Variants in GPC5 observed in about 807,000 individuals in gnomAD.
GPC5 encodes the protein glypican 5, also known as glypican-5.
A neutral mutation model predicts 53.9 loss-of-function variants in GPC5; 47 were observed. The observed-to-expected ratio is 0.87, with a 90% CI of 0.69 to 1.11. The LOEUF is 1.11. Ranked by LOEUF, GPC5 falls within the 50% of genes most tolerant of loss-of-function variation. GPC5 has a pLI of 0.00. For synonymous variants in GPC5, 286 were observed against 263.3 expected, an observed-to-expected ratio of 1.09 and a Z score of -0.84; for missense variants, 748 against 713.1, an observed-to-expected ratio of 1.05 and a Z score of -0.56.
chr13:92,401,779 A>G (rs954551073), intron 7 of GPC5, among the ~76,000 whole-genome samples: 1 of 152,146 alleles, frequency 6.6e-6, no homozygotes, highest in African/African-American at 2.4e-5. Context: ...ACCTGAGCAT[A>G]AATTGAGAAG....
In GPC5 at chr13:92,860,999, A is replaced by C. The variant is rs779799070; in HGVS notation, c.1562-5283A>C. ...ATTAATGAGAGAGTCTCTACTCTCA[A>C]GGAAACACAGCAATAGACTATTAGA... On this transcript the variant is annotated intron_variant, in intron 7 of 7. Coordinates refer to ENST00000377067, the MANE Select transcript of GPC5 (RefSeq NM_004466.6). 2.6e-5 allele frequency among the ~76,000 whole-genome samples: 4 copies of C among 152,222 alleles called. 1 individual carries two copies. In the South Asian group the frequency reaches 8.3e-4, roughly 32 times the overall value.
chr13:92,726,268 A>C (rs1243686192), intron 7 of GPC5, among the ~76,000 whole-genome samples: 3 of 151,654 alleles, frequency 2.0e-5, no homozygotes, highest in East Asian at 3.9e-4. Context: ...CTTGATCTAC[A>C]TAATTAGATC....
rs558197729 is a variant in GPC5 at position 92,112,434 on chromosome 13, T to C, written c.1402-32396T>C. On this transcript the variant is annotated intron_variant, in intron 6 of 7. Transcript: ENST00000377067. ...TAAGTGGAAGTAGTCTCTTGATAAC[T>C]AATGGAAAAGATAATTCTTGGAGAA... Among the ~76,000 whole-genome samples the C allele has an allele frequency of 2.1e-3, 322 of 152,254 alleles. 2 individuals carry two copies. The highest frequency in any genetic ancestry group is 7.1e-3 in the African/African-American group (294 of 41,576).
chr13:92,422,709 C>A (rs1876633970), intron 7 of GPC5, among the ~76,000 whole-genome samples: 1 of 152,104 alleles, frequency 6.6e-6, no homozygotes, highest in Non-Finnish European at 1.5e-5. Context: ...AGAAAAGTGA[C>A]AACCTCAGTG....
intron 6 of GPC5, among the ~76,000 whole-genome samples, chr13:91,970,986 G>T (rs1368157650): frequency 6.6e-6 from 1 of 152,212 alleles, no homozygotes; most frequent in Non-Finnish European, 1.5e-5. Context: ...CTCATAAAAT[G>T]AGTTAGGAAG....
At chr13:91,784,359 T>G (rs1437707862) in intron 5 of GPC5, among the ~76,000 whole-genome samples, 1 of 152,196 alleles carries the variant, frequency 6.6e-6, no homozygotes, top group Non-Finnish European at 1.5e-5. Flanking sequence ...ATAATTTCAT[T>G]TCAGGTGATT....
intron 7 of GPC5, among the ~76,000 whole-genome samples, chr13:92,416,028 T>G (rs947631921): frequency 5.9e-5 from 9 of 151,408 alleles, no homozygotes; most frequent in Non-Finnish European, 1.2e-4. Context: ...GGAAAAGGAG[T>G]TTTGATAAGC....
chr13:92,269,973 C>T (rs7989505), intron 7 of GPC5, among the ~76,000 whole-genome samples: 52,454 of 151,972 alleles, frequency 0.35, 9,722 homozygotes, highest in African/African-American at 0.48. Context: ...TTATATCCTC[C>T]GAGTGATTTT....
intron 5 of GPC5, among the ~76,000 whole-genome samples, chr13:91,803,621 C>A (rs1441336970): frequency 1.3e-5 from 2 of 152,042 alleles, no homozygotes; most frequent in Non-Finnish European, 1.5e-5. Context: ...CCAGGCTTGG[C>A]CAATCAGAAT....
At chr13:91,536,826 T>A (rs1048126500) in intron 2 of GPC5, among the ~76,000 whole-genome samples, 1 of 152,188 alleles carries the variant, frequency 6.6e-6, no homozygotes, top group Non-Finnish European at 1.5e-5. Context: ...ACAGAAGACT[T>A]AGCAAACTAA....
At position 92,287,988 on chromosome 13, in the gene GPC5, A is replaced by G. The variant is rs552499582; in HGVS notation, c.1561+142999A>G. 2.6e-5 allele frequency among the ~76,000 whole-genome samples: 4 copies of G among 152,102 alleles called. No homozygotes were observed. The East Asian group carries it at 5.8e-4, about 22-fold the overall frequency. ...TCACACTGGACAATTCCAGTTGTCC[A>G]GTCTATCTTCAATAGCAGATTCTTC... On this transcript the variant is annotated intron_variant, in intron 7 of 7. Transcript: ENST00000377067.
chr13:91,948,642 G>A (rs2039998203), intron 6 of GPC5, among the ~76,000 whole-genome samples: 1 of 152,086 alleles, frequency 6.6e-6, no homozygotes, highest in South Asian at 2.1e-4. Flanking sequence ...TATGTGTTGA[G>A]GACAAAACAA....
At chr13:92,672,344 T>C (rs1886781805) in intron 7 of GPC5, among the ~76,000 whole-genome samples, 1 of 152,190 alleles carries the variant, frequency 6.6e-6, no homozygotes, top group Non-Finnish European at 1.5e-5. Context: ...TACCATCTTA[T>C]ACCAGCCAGA....
At chr13:92,414,573 G>A (rs564811018) in intron 7 of GPC5, among the ~76,000 whole-genome samples, 87 of 152,110 alleles carry the variant, frequency 5.7e-4, no homozygotes, top group African/African-American at 2.0e-3. Context: ...TATATAACAG[G>A]GAATTGATCT....
intron 7 of GPC5, among the ~76,000 whole-genome samples, chr13:92,229,790 T>C (rs966821614): frequency 2.0e-5 from 3 of 152,090 alleles, no homozygotes; most frequent in Non-Finnish European, 4.4e-5. Flanking sequence ...GCATAAATAG[T>C]AGAGATATTT....
In GPC5 at chr13:92,586,237, G is replaced by C. The variant is rs1446697762; in HGVS notation, c.1562-280045G>C. On this transcript the variant is annotated intron_variant, in intron 7 of 7. Coordinates refer to ENST00000377067, the MANE Select transcript of GPC5 (RefSeq NM_004466.6). ...TTAGAGAAACTGCAAGGAAATTTCT[G>C]AAGAAATTCTGAAGTGAAGAGTGAA... 2.6e-5 allele frequency among the ~76,000 whole-genome samples: 4 copies of C among 152,302 alleles called. No homozygotes were observed. In the East Asian group the frequency reaches 7.7e-4, roughly 29 times the overall value.
chr13:92,049,827 C>T (rs542347417), intron 6 of GPC5, among the ~76,000 whole-genome samples: 45 of 151,778 alleles, frequency 3.0e-4, no homozygotes, highest in African/African-American at 9.7e-4. Context: ...ATGATGAAAG[C>T]GAAGAGGAAA....
At chr13:91,995,643 G>A (rs536373733) in intron 6 of GPC5, 97 of 152,212 alleles carry the variant, frequency 6.4e-4, no homozygotes, top group African/African-American at 2.2e-3. Flanking sequence ...AAAACTATTA[G>A]ATAATTTTTT....
intron 5 of GPC5, among the ~76,000 whole-genome samples, chr13:91,851,493 C>T (rs926784586): frequency 3.4e-5 from 5 of 147,652 alleles, no homozygotes; most frequent in African/African-American, 1.0e-4. Flanking sequence ...ATTTAGAATA[C>T]GTTTTCTTTT....
Sources: allele counts gnomAD v4.1 joint callset (sites outside exome capture counted in the v4.1 genomes callset), GRCh38; gene constraint gnomAD v4.1.1; transcripts MANE v1.5; gene names NCBI Gene and HGNC (gene_info 2026-07-23, HGNC 2026-07-21).